OPCML: variants seen among roughly 807,000 people sequenced by gnomAD.
OPCML encodes the protein opioid-binding protein/cell adhesion molecule.
OPCML carries 13 observed loss-of-function variants against 37.8 expected under a neutral mutation model. The observed-to-expected ratio is 0.34, with a 90% CI of 0.22 to 0.55. The LOEUF is 0.55. Ranked by LOEUF, OPCML falls within the 20% of genes least tolerant of loss-of-function variation. The probability of loss-of-function intolerance (pLI) is 0.91; values close to 1 mark genes in which losing one functional copy is unlikely to be tolerated. For missense variants in OPCML, 341 were observed against 435.6 expected (o/e 0.78, Z 1.93); for synonymous variants, 176 against 168.8 (o/e 1.04, Z -0.33).
At chr11:132,637,159 A>T (rs1275375466) in intron 3 of OPCML, among the ~76,000 whole-genome samples, 3 of 151,416 alleles carry the variant, frequency 2.0e-5, no homozygotes, top group Non-Finnish European at 2.9e-5. Flanking sequence ...TTTTAACTGA[A>T]TTTGAAGCTG....
chr11:133,458,219 C>CCT (rs1555161678), intron 1 of OPCML, among the ~76,000 whole-genome samples: 1 of 120,230 alleles, frequency 8.3e-6, no homozygotes, highest in Non-Finnish European at 1.6e-5. Flanking sequence ...TATATATACA[C>CCT]ATATATACAC....
chr11:133,357,937 C>T lies in OPCML; in HGVS notation c.61+174327G>A, dbSNP rs536535162. Among the ~76,000 whole-genome samples the T allele has an allele frequency of 3.3e-5, 5 of 152,262 alleles. No individual in the cohort carries two copies. The South Asian group carries it at 6.2e-4, about 19-fold the overall frequency. ...TCTCCACTGTCCCCAGCCAACCTCC[C>T]GGGGAAGTCATCTGCACCCATGACT... is the stretch of plus-strand genomic sequence containing the variant. On this transcript the variant is annotated intron_variant, in intron 1 of 7. Transcript: ENST00000524381.
chr11:133,360,530 T>C (rs11819986), intron 1 of OPCML: 10,794 of 151,642 alleles, frequency 0.071, 558 homozygotes, highest in African/African-American at 0.15. Context: ...ACAGGAATTG[T>C]GGAAAATACA....
At chr11:132,796,041 A>T (rs1938287910) in intron 2 of OPCML, among the ~76,000 whole-genome samples, 1 of 152,208 alleles carries the variant, frequency 6.6e-6, no homozygotes. Flanking sequence ...TTTCCATAGC[A>T]TCTACATTGT....
At chr11:133,123,921 G>C (rs1949458537) in intron 1 of OPCML, among the ~76,000 whole-genome samples, 1 of 152,116 alleles carries the variant, frequency 6.6e-6, no homozygotes, top group Non-Finnish European at 1.5e-5. Flanking sequence ...AGCGGTCTCT[G>C]TGCCAGACAA....
intron 1 of OPCML, chr11:133,422,383 A>C: frequency 1.1e-6 from 1 of 937,246 alleles, no homozygotes; most frequent in Non-Finnish European, 1.2e-6. Flanking sequence ...GACATTATAT[A>C]TATATATATA....
chr11:132,933,415 T>C (rs561060485), intron 2 of OPCML, among the ~76,000 whole-genome samples: 2 of 152,328 alleles, frequency 1.3e-5, no homozygotes, highest in South Asian at 4.1e-4. Flanking sequence ...CCTCCAATTA[T>C]AACAAGCAGG....
At chr11:132,876,417 A>C (rs150877036) in intron 2 of OPCML, among the ~76,000 whole-genome samples, 214 of 152,324 alleles carry the variant, frequency 1.4e-3, no homozygotes, top group African/African-American at 5.0e-3. Context: ...CTACCCAGGA[A>C]ACATCATTAC....
intron 1 of OPCML, among the ~76,000 whole-genome samples, chr11:133,469,685 G>A (rs566455258): frequency 1.4e-4 from 21 of 152,118 alleles, no homozygotes; most frequent in Middle Eastern, 3.4e-3. Flanking sequence ...AGACTCCTCC[G>A]TCTGACCCAA....
intron 4 of OPCML, among the ~76,000 whole-genome samples, chr11:132,507,109 T>C (rs201341592): frequency 6.9e-6 from 1 of 144,626 alleles, no homozygotes; most frequent in African/African-American, 2.5e-5. Context: ...CATTAAATTG[T>C]AAAAAAAAAA....
chr11:132,424,414 C>T (rs180866816), intron 7 of OPCML, among the ~76,000 whole-genome samples: 109 of 152,268 alleles, frequency 7.2e-4, no homozygotes, highest in African/African-American at 2.4e-3. Context: ...CCACCATGCC[C>T]GGCTGAGAGG....
rs374390958 is a variant in OPCML at position 133,341,014 on chromosome 11, CTCT to C, written c.61+191247_61+191249del. Among the ~76,000 whole-genome samples, 138 of 152,184 alleles carry C rather than the reference CTCT, an allele frequency of 9.1e-4. No individual in the cohort carries two copies. The South Asian group carries it at 0.018, about 20-fold the overall frequency. On this transcript the variant is annotated intron_variant, in intron 1 of 7. Transcript: ENST00000524381. The stretch of plus-strand genomic sequence containing the variant: ...CCCATCACTGCCTATCCCCCTTCTT[CTCT>C]TCTTCTTCACAGCACAGATACCTGA...
At chr11:133,223,148 T>C (rs575752235) in intron 1 of OPCML, among the ~76,000 whole-genome samples, 1 of 152,298 alleles carries the variant, frequency 6.6e-6, no homozygotes. Context: ...GAAGGAAGTG[T>C]CTCAATTACC....
At chr11:133,334,750 T>C (rs755287268) in intron 1 of OPCML, among the ~76,000 whole-genome samples, 5 of 152,094 alleles carry the variant, frequency 3.3e-5, no homozygotes, top group Non-Finnish European at 5.9e-5. Context: ...AGTGTACCAG[T>C]GAGTGAGAGC....
rs768733159 is a variant in OPCML at position 132,437,301 on chromosome 11, G to C, written c.564C>G (p.Asp188Glu). The part of the protein sequence containing the change: ...EYLEISDIKR[D>E]QSGEYECSAL... ...CGCTGCATTCGTACTCCCCGGACTG[G>C]TCTCGCTTGATGTCAGAGATCTCCA... The change falls in exon 5 of 8, where the codon GAC becomes GAG. Residue 188 changes from aspartate (D) to glutamate (E), a missense_variant. By Grantham distance (45) the Asp-to-Glu change is conservative (BLOSUM62 2). Transcript: ENST00000524381. 3.1e-6 allele frequency: 5 copies of C among 1,614,192 alleles called. No homozygotes were observed. In the South Asian group the frequency reaches 5.5e-5, roughly 18 times the overall value.
chr11:133,346,846 T>G (rs1382189995), intron 1 of OPCML, among the ~76,000 whole-genome samples: 1 of 152,084 alleles, frequency 6.6e-6, no homozygotes, highest in South Asian at 2.1e-4. Flanking sequence ...GTGTGTGTGT[T>G]TTGTTTTGTT....
Position 133,284,091 on chromosome 11 carries a change from C to T in OPCML, c.61+248173G>A, listed in dbSNP as rs372576871. Among the ~76,000 whole-genome samples, 84 of 152,246 alleles carry T rather than the reference C, an allele frequency of 5.5e-4. 2 individuals carry two copies. In the East Asian group the frequency reaches 0.011, roughly 20 times the overall value. Reference sequence around the variant, plus strand: ...GAGGTCAATATATTGAGCCGTGTGGCCTTTTCCTGTTCTGAGAATATTTCA... The same window carrying T: ...GAGGTCAATATATTGAGCCGTGTGGTCTTTTCCTGTTCTGAGAATATTTCA... On this transcript the variant is annotated intron_variant, in intron 1 of 7. Coordinates refer to ENST00000524381, the MANE Select transcript of OPCML (RefSeq NM_001012393.5).
In OPCML at chr11:133,341,459, C is replaced by T. The variant is rs573910792; in HGVS notation, c.61+190805G>A. Among the ~76,000 whole-genome samples, 23 of 152,258 alleles carry T rather than the reference C, an allele frequency of 1.5e-4. No individual in the cohort carries two copies. The East Asian group carries it at 4.1e-3, about 27-fold the overall frequency. Reference sequence around the variant, plus strand: ...TACCCTTTGACTGACTTTCAGGTGCCCTTGGGTGATGCTGTTTTCCCTCCA... The same window carrying T: ...TACCCTTTGACTGACTTTCAGGTGCTCTTGGGTGATGCTGTTTTCCCTCCA... On this transcript the variant is annotated intron_variant, in intron 1 of 7. Transcript: ENST00000524381.
intron 1 of OPCML, among the ~76,000 whole-genome samples, chr11:133,011,372 C>T (rs1947209375): frequency 6.6e-6 from 1 of 152,182 alleles, no homozygotes; most frequent in African/African-American, 2.4e-5. Context: ...CTGGTTACTG[C>T]AGGTGTTGAG....
Sources: gnomAD v4.1 joint callset for allele counts (sites outside exome capture counted in the v4.1 genomes callset) on GRCh38, gnomAD v4.1.1 for gene constraint, MANE v1.5 for transcripts, NCBI Gene and HGNC (gene_info 2026-07-23, HGNC 2026-07-21) for gene names.